ANKRA2: variants seen among roughly 807,000 people sequenced by gnomAD.
ANKRA2 encodes ankyrin repeat family A protein 2.
In ANKRA2, 33 loss-of-function variants were observed where a neutral mutation model predicts 37.8. That is an observed-to-expected ratio of 0.87 (90% CI 0.66 to 1.17). The LOEUF (loss-of-function observed/expected upper bound fraction) is 1.17. Among genes scored for constraint, ANKRA2 ranks in the 50% most tolerant of loss-of-function variants. ANKRA2 has a pLI of 0.00. For synonymous variants in ANKRA2, 126 were observed against 132.3 expected, an observed-to-expected ratio of 0.95 and a Z score of 0.33; for missense variants, 326 against 373.7, an observed-to-expected ratio of 0.87 and a Z score of 1.05.
At chr5:73,560,637 C>T (rs780128712) in intron 3 of ANKRA2, among the ~76,000 whole-genome samples, 1 of 152,218 alleles carries the variant, frequency 6.6e-6, no homozygotes, top group African/African-American at 2.4e-5. Flanking sequence ...ACACCAGCCT[C>T]GGACTCCCAA....
At chr5:73,554,594 T>C (rs557300161) in intron 6 of ANKRA2, among the ~76,000 whole-genome samples, 1 of 152,176 alleles carries the variant, frequency 6.6e-6, no homozygotes, top group Non-Finnish European at 1.5e-5. Context: ...TATTCTTCTT[T>C]ATTTATTCTT....
At chr5:73,557,370 A>C (rs1362365457) in intron 4 of ANKRA2, 2 of 338,540 alleles carry the variant, frequency 5.9e-6, no homozygotes, top group Non-Finnish European at 1.1e-5. Context: ...GCTTTTGGGG[A>C]AAAGGCAACG....
intron 1 of ANKRA2, among the ~76,000 whole-genome samples, chr5:73,564,314 A>ATAGG (rs1747652312): frequency 6.6e-6 from 1 of 152,190 alleles, no homozygotes; most frequent in African/African-American, 2.4e-5. Context: ...GCGGTTGGCT[A>ATAGG]AGTGCAACTC....
At chr5:73,555,232 C>T (rs1747367822) in intron 5 of ANKRA2, 2 of 1,288,248 alleles carry the variant, frequency 1.6e-6, no homozygotes, top group African/African-American at 3.0e-5. Context: ...TCCATGAAGC[C>T]TTCTCCTTCA....
intron 3 of ANKRA2, 42 bp downstream of exon 3, chr5:73,561,088 T>C (rs1416150178): frequency 6.5e-7 from 1 of 1,537,202 alleles, no homozygotes; most frequent in Non-Finnish European, 8.8e-7. Flanking sequence ...CTTGAAAGTA[T>C]TACATTAAGA....
At position 73,562,979 on chromosome 5, in the gene ANKRA2, T is replaced by A; in HGVS notation, c.-98A>T. ...AGTGTGTTCTTGGAATCTGGATATT[T>A]AAAAATCTGAAAGAAAAAATTAGAA... is the stretch of plus-strand genomic sequence containing the variant. On this transcript the variant is annotated 5_prime_UTR_variant, in exon 2 of 9. The change abolishes the stop of an existing upstream ORF in the 5' untranslated region. Coordinates refer to ENST00000296785, the MANE Select transcript of ANKRA2 (RefSeq NM_023039.5). 1 of 1,157,390 alleles carries A rather than the reference T, an allele frequency of 8.6e-7. No individual in the cohort carries two copies. The highest frequency in any genetic ancestry group is 1.6e-5 in the African/African-American group (1 of 64,470). The allele number at this position is 1,157,390 out of a possible 1,614,324, so 71.7% of individuals were successfully genotyped here.
At chr5:73,557,824 C>CG (rs1176520037) in intron 3 of ANKRA2, among the ~76,000 whole-genome samples, 184 bp from the exon 4 acceptor site, 1 of 151,838 alleles carries the variant, frequency 6.6e-6, no homozygotes, top group Non-Finnish European at 1.5e-5. Flanking sequence ...TGCCCGTAAT[C>CG]CCAGCACTTT....
chr5:73,554,890 A>C lies in ANKRA2; in HGVS notation c.709T>G (p.Cys237Gly). ...YTDIVKMLLDCGVDVNEYDWN... is the reference protein window; with the variant it reads ...YTDIVKMLLDGGVDVNEYDWN... Reference sequence around the variant, plus strand: ...TCATATTCATTTACATCAACTCCACAATCAAGCAGCATTTTGACAATATCT... The same window carrying C: ...TCATATTCATTTACATCAACTCCACCATCAAGCAGCATTTTGACAATATCT... Residue 237 changes from cysteine (C) to glycine (G), a missense_variant, in exon 6 of 9, where the codon TGT (cysteine) becomes GGT (glycine). Physicochemically the swap from Cys to Gly is radical, Grantham distance 159. Transcript: ENST00000296785. 6.2e-7 allele frequency: 1 copy of C among 1,613,948 alleles called. No individual in the cohort carries two copies. Among genetic ancestry groups the C allele is most frequent in the African/African-American group, 1.3e-5 (1 of 75,048 alleles).
intron 3 of ANKRA2, among the ~76,000 whole-genome samples, chr5:73,558,824 C>T (rs1175591487): frequency 6.6e-6 from 1 of 152,182 alleles, no homozygotes; most frequent in African/African-American, 2.4e-5. Context: ...TGAGCCACTG[C>T]GCCTGGCCTG....
chr5:73,560,410 G>C (rs998407796), intron 3 of ANKRA2, among the ~76,000 whole-genome samples: 6 of 151,854 alleles, frequency 4.0e-5, no homozygotes, highest in African/African-American at 7.3e-5. Context: ...ACCCAGGCTG[G>C]AGTGCAATGG....
chr5:73,554,178 G>A lies in ANKRA2; in HGVS notation c.805+144C>T, dbSNP rs1458717106. 3 of 721,092 alleles carry A rather than the reference G, an allele frequency of 4.2e-6. No homozygotes were observed. The African/African-American group carries it at 5.5e-5, about 13-fold the overall frequency. 44.7% of individuals were successfully genotyped at this position (721,092 alleles called of 1,614,324 possible). On this transcript the variant is annotated intron_variant, in intron 7 of 8. Transcript: ENST00000296785. ...GCTTCTCACATGGGCAACTTTTGGT[G>A]GCAGGTGCTCTAAGGGTGAAGAGCA...
chr5:73,559,419 A>G (rs959939470), intron 3 of ANKRA2, among the ~76,000 whole-genome samples: 5 of 152,112 alleles, frequency 3.3e-5, no homozygotes, highest in African/African-American at 1.2e-4. Flanking sequence ...TTCCTCTACA[A>G]TGATTCTACT....
intron 2 of ANKRA2, chr5:73,562,377 CAAG>C (rs942065803): frequency 4.3e-4 from 185 of 428,718 alleles, no homozygotes; most frequent in African/African-American, 3.5e-3. Flanking sequence ...AAATATTAAA[CAAG>C]AAGTTTTTAA....
At chr5:73,553,345 C>T in intron 8 of ANKRA2, 61 bp downstream of exon 8, 1 of 1,264,886 alleles carries the variant, frequency 7.9e-7, no homozygotes, top group Non-Finnish European at 1.1e-6. Context: ...GTTTGGAGTA[C>T]TGGCTTATAC....
intron 5 of ANKRA2, 69 bp from the exon 6 acceptor site, chr5:73,555,055 C>A: frequency 6.4e-7 from 1 of 1,556,762 alleles, no homozygotes; most frequent in South Asian, 1.2e-5. Context: ...TTCCTGTCAA[C>A]AATAATTATA....
chr5:73,553,503 A>G lies in ANKRA2; in HGVS notation c.806-17T>C, dbSNP rs756352721. The G allele has an allele frequency of 1.4e-5, 22 of 1,580,946 alleles. No homozygotes were observed. The African/African-American group carries it at 3.0e-4, about 21-fold the overall frequency. On this transcript the variant is annotated splice_polypyrimidine_tract_variant and intron_variant, in intron 7 of 8. Transcript: ENST00000296785. Reference sequence around the variant, plus strand: ...CCCCACTTTCTATACCAAAATAGAAAAACTACATAAATGAAATGAAAATGC... The same window carrying G: ...CCCCACTTTCTATACCAAAATAGAAGAACTACATAAATGAAATGAAAATGC...
chr5:73,558,867 G>A (rs1234604772), intron 3 of ANKRA2, among the ~76,000 whole-genome samples: 1 of 152,150 alleles, frequency 6.6e-6, no homozygotes, highest in Admixed American at 6.5e-5. Flanking sequence ...CCTAGCTGTG[G>A]CTAATTAGCT....
In ANKRA2 at chr5:73,556,735, T is replaced by G. The variant is rs149210505; in HGVS notation, c.514+840A>C. The stretch of plus-strand genomic sequence containing the variant: ...CATAAACAACAACAAGAAAAAAAGC[T>G]AATTTCCTTAATTTAGAGTTTACAT... On this transcript the variant is annotated intron_variant, in intron 4 of 8. Coordinates refer to ENST00000296785, the MANE Select transcript of ANKRA2 (RefSeq NM_023039.5). Among the ~76,000 whole-genome samples the G allele has an allele frequency of 2.3e-3, 350 of 152,152 alleles. 4 individuals are homozygous for G. The highest frequency in any genetic ancestry group is 8.1e-3 in the African/African-American group (336 of 41,540).
chr5:73,554,931 C>G lies in ANKRA2; in HGVS notation c.668G>C (p.Cys223Ser), dbSNP rs201333280. The G allele has an allele frequency of 6.2e-7, 1 of 1,613,722 alleles. No homozygotes were observed. The highest frequency in any genetic ancestry group is 1.3e-5 in the African/African-American group (1 of 74,920). The change falls in exon 6 of 9, where the codon TGT becomes TCT. Residue 223 changes from cysteine to serine, a missense_variant. By Grantham distance (112) the Cys-to-Ser change is moderately radical. Around this residue, in one of 3 missense-constraint regions of ANKRA2, gnomAD observed 228 missense variants for 260.2 expected, o/e 0.88. Coordinates refer to ENST00000296785, the MANE Select transcript of ANKRA2 (RefSeq NM_023039.5). Reference protein sequence around the residue: ...KGRESALSLACSKGYTDIVKM... With the variant: ...KGRESALSLASSKGYTDIVKM... Reference sequence around the variant, plus strand: ...GACAATATCTGTGTAGCCTTTACTACAGGCCAACGACAGTGCACTTTCTCG... The same window carrying G: ...GACAATATCTGTGTAGCCTTTACTAGAGGCCAACGACAGTGCACTTTCTCG...
Sources: allele counts gnomAD v4.1 joint callset (sites outside exome capture counted in the v4.1 genomes callset), GRCh38; gene constraint gnomAD v4.1.1; regional missense constraint gnomAD v4.1.1; transcripts MANE v1.5; gene names NCBI Gene and HGNC (gene_info 2026-07-23, HGNC 2026-07-21).